Variants in FNBP1L observed in about 807,000 individuals in gnomAD.
FNBP1L encodes formin binding protein 1 like, also known as formin-binding protein 1-like.
In FNBP1L, 36 loss-of-function variants were observed where a neutral mutation model predicts 91.2. The ratio of observed to expected loss-of-function variants is 0.39; its 90% CI spans 0.30 to 0.52. FNBP1L has a LOEUF of 0.52. FNBP1L is among the 20% of genes least tolerant of loss of function. FNBP1L has a pLI of 0.66. For synonymous variants in FNBP1L, 242 were observed against 237.0 expected, an observed-to-expected ratio of 1.02 and a Z score of -0.19; for missense variants, 571 against 732.1, an observed-to-expected ratio of 0.78 and a Z score of 2.54.
At chr1:93,455,999 G>A (rs1668645377) in intron 1 of FNBP1L, among the ~76,000 whole-genome samples, 1 of 152,230 alleles carries the variant, frequency 6.6e-6, no homozygotes, top group Admixed American at 6.5e-5. Context: ...TGGGCATGGG[G>A]GTACACCCCT....
chr1:93,448,264 C>A lies in FNBP1L; in HGVS notation c.-18C>A. On this transcript the variant is annotated 5_prime_UTR_variant, in exon 1 of 17. Transcript: ENST00000271234. ...ACTGAAGGACAGCGGCACCGCCAGACGGCCAGAAAGTTCCGCCATGAGCTG... is the reference window on the plus strand; with the variant it reads ...ACTGAAGGACAGCGGCACCGCCAGAAGGCCAGAAAGTTCCGCCATGAGCTG... 6.6e-7 allele frequency: 1 copy of A among 1,520,094 alleles called. No homozygotes were observed. The highest frequency in any genetic ancestry group is 8.8e-7 in the Non-Finnish European group (1 of 1,133,652). The allele number at this position is 1,520,094 out of a possible 1,614,324, so 94.2% of individuals were successfully genotyped here. A position where few individuals can be genotyped will look rare whatever the true frequency, so the allele number is the denominator to read the frequency against.
At chr1:93,454,447 C>T (rs1204318912) in intron 1 of FNBP1L, among the ~76,000 whole-genome samples, 1 of 152,010 alleles carries the variant, frequency 6.6e-6, no homozygotes, top group African/African-American at 2.4e-5. Context: ...AAGGGATTAC[C>T]TCTTGCTTCT....
chr1:93,537,725 A>T (rs534831291), intron 10 of FNBP1L, among the ~76,000 whole-genome samples: 43 of 152,158 alleles, frequency 2.8e-4, no homozygotes, highest in Non-Finnish European at 5.0e-4. Flanking sequence ...GCCTATAATC[A>T]CTTCTAAAAG....
chr1:93,501,110 T>C (rs1670429118), intron 2 of FNBP1L, among the ~76,000 whole-genome samples: 1 of 152,194 alleles, frequency 6.6e-6, no homozygotes, highest in Admixed American at 6.5e-5. Context: ...TAATTTGATC[T>C]CAATTTTAGC....
intron 1 of FNBP1L, among the ~76,000 whole-genome samples, chr1:93,462,793 G>A (rs1420673081): frequency 6.6e-6 from 1 of 151,998 alleles, no homozygotes; most frequent in Admixed American, 6.6e-5. Context: ...CTAAAGTAGT[G>A]TTTATCAGAT....
intron 12 of FNBP1L, among the ~76,000 whole-genome samples, chr1:93,546,043 C>T (rs563782821): frequency 6.6e-6 from 1 of 152,118 alleles, no homozygotes; most frequent in South Asian, 2.1e-4. Flanking sequence ...ATTTGAAAAT[C>T]ATCTGAAGAT....
intron 14 of FNBP1L, among the ~76,000 whole-genome samples, chr1:93,547,951 G>A (rs1672296318): frequency 6.6e-6 from 1 of 152,062 alleles, no homozygotes; most frequent in African/African-American, 2.4e-5. Context: ...TCACCTTAGA[G>A]AAAAATGTGA....
chr1:93,524,736 G>A (rs1671442922), intron 5 of FNBP1L, among the ~76,000 whole-genome samples: 1 of 151,826 alleles, frequency 6.6e-6, no homozygotes. Context: ...AACACTTGAT[G>A]TCTCTTGACT....
At chr1:93,457,445 C>G (rs1668708254) in intron 1 of FNBP1L, among the ~76,000 whole-genome samples, 2 of 152,106 alleles carry the variant, frequency 1.3e-5, no homozygotes, top group Non-Finnish European at 2.9e-5. Context: ...CTACCTTAAA[C>G]TAGTTTTAAA....
At position 93,553,502 on chromosome 1, in the gene FNBP1L, C is replaced by T. The variant is rs1315896302; in HGVS notation, c.*1086C>T. On this transcript the variant is annotated 3_prime_UTR_variant, in exon 17 of 17. Coordinates refer to ENST00000271234, the MANE Select transcript of FNBP1L (RefSeq NM_001164473.3). ...ATCAAACTAAAGACATGTCCAAGTC[C>T]ATTTTAATTTCCTCAGTGGTTTTAT... 3.9e-5 allele frequency: 6 copies of T among 152,626 alleles called. No individual in the cohort carries two copies. The highest frequency in any genetic ancestry group is 2.6e-4 in the Admixed American group (4 of 15,284). 9.5% of individuals were successfully genotyped at this position (152,626 alleles called of 1,614,324 possible). A position where few individuals can be genotyped will look rare whatever the true frequency, so the allele number is the denominator to read the frequency against.
intron 5 of FNBP1L, among the ~76,000 whole-genome samples, chr1:93,527,455 C>T (rs1671528170): frequency 1.3e-5 from 2 of 151,948 alleles, no homozygotes; most frequent in South Asian, 2.1e-4. Context: ...GTAACTGGTT[C>T]GATAAAGGAG....
chr1:93,478,813 T>G (rs759876710), intron 1 of FNBP1L, among the ~76,000 whole-genome samples: 4 of 152,188 alleles, frequency 2.6e-5, no homozygotes, highest in Non-Finnish European at 5.9e-5. Context: ...TGTAAACTCA[T>G]GGTATAGATA....
intron 1 of FNBP1L, among the ~76,000 whole-genome samples, chr1:93,482,730 C>A (rs1330658350): frequency 6.6e-6 from 1 of 151,824 alleles, no homozygotes; most frequent in African/African-American, 2.4e-5. Context: ...CCTCTCTCTA[C>A]AAAAAATACA....
At chr1:93,460,504 G>GAA (rs899976422) in intron 1 of FNBP1L, among the ~76,000 whole-genome samples, 5 of 152,178 alleles carry the variant, frequency 3.3e-5, no homozygotes, top group African/African-American at 1.2e-4. Context: ...AATGGATAAA[G>GAA]AAAATATCTG....
chr1:93,537,063 T>C lies in FNBP1L; in HGVS notation c.1149+573T>C, dbSNP rs145957954. On this transcript the variant is annotated intron_variant, in intron 10 of 16. Transcript: ENST00000271234. ...GTAAAGCCTACAAAAATACTAGATA[T>C]CACTGAGTAATGTTTACTAAACTGT... Among the ~76,000 whole-genome samples, 455 of 152,166 alleles carry C rather than the reference T, an allele frequency of 3.0e-3. 12 individuals carry two copies. The highest frequency in any genetic ancestry group is 0.026 in the Admixed American group (390 of 15,262).
rs542970051 is a variant in FNBP1L at position 93,449,186 on chromosome 1, G to A, written c.24+881G>A. Among the ~76,000 whole-genome samples, 7 of 152,252 alleles carry A rather than the reference G, an allele frequency of 4.6e-5. No homozygotes were observed. In the South Asian group the frequency reaches 1.4e-3, roughly 32 times the overall value. On this transcript the variant is annotated intron_variant, in intron 1 of 16. Coordinates refer to ENST00000271234, the MANE Select transcript of FNBP1L (RefSeq NM_001164473.3). The stretch of plus-strand genomic sequence containing the variant: ...GGCTCCAGACAATGCCCAGTGTCTG[G>A]CCAAGGTACGGGCGGAGGGTAATAG...
At chr1:93,460,561 A>G (rs998522011) in intron 1 of FNBP1L, among the ~76,000 whole-genome samples, 1 of 152,262 alleles carries the variant, frequency 6.6e-6, no homozygotes, top group African/African-American at 2.4e-5. Flanking sequence ...AGGAAATCCC[A>G]GGCACATGTT....
intron 1 of FNBP1L, among the ~76,000 whole-genome samples, chr1:93,471,041 T>C (rs1210855648): frequency 6.6e-6 from 1 of 152,204 alleles, no homozygotes; most frequent in East Asian, 1.9e-4. Flanking sequence ...TTTTTAGTGA[T>C]GCAAAATTAC....
intron 11 of FNBP1L, among the ~76,000 whole-genome samples, chr1:93,542,920 G>A (rs1168558832): frequency 6.6e-6 from 1 of 151,468 alleles, no homozygotes; most frequent in Admixed American, 6.6e-5. Context: ...CGAGTAGCTG[G>A]GATTACAGGC....
Sources: gnomAD v4.1 joint callset for allele counts (sites outside exome capture counted in the v4.1 genomes callset) on GRCh38, gnomAD v4.1.1 for gene constraint, MANE v1.5 for transcripts, NCBI Gene and HGNC (gene_info 2026-07-23, HGNC 2026-07-21) for gene names.